CTSB: variants seen among roughly 807,000 people sequenced by gnomAD.
CTSB encodes APP secretase.
CTSB carries 57 observed loss-of-function variants against 44.3 expected under a neutral mutation model. The observed-to-expected ratio is 1.29, with a 90% confidence interval of 1.04 to 1.60. The LOEUF (loss-of-function observed/expected upper bound fraction) is 1.60. Among genes scored for constraint, CTSB ranks in the 40% most tolerant of loss-of-function variants. The pLI is 0.00. For synonymous variants in CTSB, 320 were observed against 168.0 expected (o/e 1.91, Z -7.00); for missense variants, 768 against 443.0 (o/e 1.73, Z -6.59).
chr8:11,849,298 G>T (rs1814091406), intron 4 of CTSB, 134 bp from the exon 5 acceptor site: 1 of 598,292 alleles, frequency 1.7e-6, no homozygotes, highest in Non-Finnish European at 3.0e-6. Flanking sequence ...GACGCTCCTG[G>T]GGCTCAAACT....
intron 5 of CTSB, 116 bp downstream of exon 5, chr8:11,848,930 C>G (rs375334854): frequency 1.4e-6 from 1 of 721,988 alleles, no homozygotes; most frequent in Non-Finnish European, 2.3e-6. Context: ...GGAGTCTCCC[C>G]GAAACACTTC....
rs78107889 is a variant in CTSB, at chr8:11,855,654, C to T, written c.-25-2175G>A. ...TCACATATACTTTAGGCTTCGTTTCCACAAAAGGCTCTTCAAAGTCAGAAA... is the reference window on the plus strand; with the variant it reads ...TCACATATACTTTAGGCTTCGTTTCTACAAAAGGCTCTTCAAAGTCAGAAA... On this transcript the variant is annotated intron_variant, in intron 1 of 9. Transcript: ENST00000353047. Among the ~76,000 whole-genome samples the T allele has an allele frequency of 4.9e-3, 739 of 152,192 alleles. 3 individuals carry two copies. Among genetic ancestry groups the T allele is most frequent in the South Asian group, 0.019 (93 of 4,824 alleles).
chr8:11,853,257 C>T (rs1409538082), intron 2 of CTSB, 72 bp downstream of exon 2: 3 of 1,576,186 alleles, frequency 1.9e-6, no homozygotes, highest in Non-Finnish European at 2.6e-6. Context: ...GGGCTGGCTT[C>T]CCATTCCTGG....
rs139113501 is a variant in CTSB at position 11,863,320 on chromosome 8, G to A, written c.-26+4681C>T. Among the ~76,000 whole-genome samples, 903 of 152,084 alleles carry A rather than the reference G, an allele frequency of 5.9e-3. 4 individuals are homozygous for A. Among genetic ancestry groups the A allele is most frequent in the African/African-American group, 0.018 (754 of 41,492 alleles). ...CTAAAAATACAAAAATTAGCTGGGC[G>A]TGGTGGCACACGCCTGTAATCCCAG... is the stretch of plus-strand genomic sequence containing the variant. On this transcript the variant is annotated intron_variant, in intron 1 of 9. Coordinates refer to ENST00000353047, the MANE Select transcript of CTSB (RefSeq NM_001908.5).
At chr8:11,862,186 G>C (rs1472824622) in intron 1 of CTSB, among the ~76,000 whole-genome samples, 1 of 144,190 alleles carries the variant, frequency 6.9e-6, no homozygotes, top group Admixed American at 7.2e-5. Context: ...CAGCCTGGGC[G>C]ACAGAGTCAG....
rs762672116 is a variant in CTSB, at chr8:11,845,692, G to A, written c.891C>T (p.Ala297=). The change falls in exon 9 of 10, where the codon GCC becomes GCT. Residue 297 remains alanine (A), a synonymous_variant. Coordinates refer to ENST00000353047, the MANE Select transcript of CTSB (RefSeq NM_001908.5). ...VENGTPYWLV[A]NSWNTDWGDN... is the part of the protein sequence containing the mutation. The stretch of plus-strand genomic sequence containing the variant: ...CACCCCAGTCAGTGTTCCAGGAGTT[G>A]GCAACCAGCCAGTAGGGTGTGCCAT... The A allele has an allele frequency of 7.4e-6, 12 of 1,614,002 alleles. No individual in the cohort carries two copies. The highest frequency in any genetic ancestry group is 1.0e-5 in the Non-Finnish European group (12 of 1,179,886).
At position 11,853,473 on chromosome 8, in the gene CTSB, G is replaced by C. The variant is rs183866612; in HGVS notation, c.-19C>G. 2.1e-5 allele frequency: 33 copies of C among 1,609,672 alleles called. No individual in the cohort carries two copies. In the African/African-American group the frequency reaches 3.5e-4, roughly 17 times the overall value. Reference sequence around the variant, plus strand: ...GCCACATGTTGGAAGCCGGATCCTAGATCCACCTGGAGAGGACAGAGGGCA... The same window carrying C: ...GCCACATGTTGGAAGCCGGATCCTACATCCACCTGGAGAGGACAGAGGGCA... On this transcript the variant is annotated 5_prime_UTR_variant, in exon 2 of 10. The change creates a new upstream start codon in the 5' untranslated region. Coordinates refer to ENST00000353047, the MANE Select transcript of CTSB (RefSeq NM_001908.5).
intron 1 of CTSB, among the ~76,000 whole-genome samples, chr8:11,854,308 T>G (rs1815139811): frequency 2.0e-5 from 3 of 152,110 alleles, no homozygotes; most frequent in Admixed American, 2.0e-4. Context: ...GGGTGAGGTG[T>G]TCTACCTCCC....
At chr8:11,848,290 AC>A in intron 5 of CTSB, 138 bp from the exon 6 acceptor site, 1 of 747,586 alleles carries the variant, frequency 1.3e-6, no homozygotes, top group South Asian at 1.5e-5. Context: ...GACCTCCCAG[AC>A]CCCAAACCCT....
chr8:11,849,067 C>A lies in CTSB; in HGVS notation c.425G>T (p.Cys142Phe). ...EVSAEDLLTC[C>F]GSMCGDGCNG... ...TCACCCGTCCCCACACATGCTGCCA[C>A]AGCATGTGAGCAGGTCCTCCGCCGA... The change falls in exon 5 of 10, where the codon TGT (cysteine) becomes TTT (phenylalanine). Residue 142 changes from cysteine (C) to phenylalanine (F), a missense_variant. Transcript: ENST00000353047. 1 of 1,613,284 alleles carries A rather than the reference C, an allele frequency of 6.2e-7. No individual in the cohort carries two copies. The highest frequency in any genetic ancestry group is 2.2e-5 in the East Asian group (1 of 44,882).
intron 8 of CTSB, among the ~76,000 whole-genome samples, 191 bp from the exon 9 acceptor site, chr8:11,845,980 C>G (rs1211998319): frequency 6.6e-6 from 1 of 152,198 alleles, no homozygotes; most frequent in Non-Finnish European, 1.5e-5. Flanking sequence ...AGGCCCAACA[C>G]ACTCAAAGTT....
intron 1 of CTSB, among the ~76,000 whole-genome samples, chr8:11,860,905 C>T (rs1816312824): frequency 6.6e-6 from 1 of 152,206 alleles, no homozygotes; most frequent in Admixed American, 6.5e-5. Flanking sequence ...CGGCGAGTTT[C>T]ATCTTCCCCT....
At position 11,845,804 on chromosome 8, in the gene CTSB, A is replaced by G; in HGVS notation, c.794-15T>C. Reference sequence around the variant, plus strand: ...TTGGTACACTCCTGAAAAGGGAAGAACTGGCTGAGACCGAGACCGGGCCAC... The same window carrying G: ...TTGGTACACTCCTGAAAAGGGAAGAGCTGGCTGAGACCGAGACCGGGCCAC... On this transcript the variant is annotated splice_polypyrimidine_tract_variant and intron_variant, in intron 8 of 9. Coordinates refer to ENST00000353047, the MANE Select transcript of CTSB (RefSeq NM_001908.5). 1 of 1,603,660 alleles carries G rather than the reference A, an allele frequency of 6.2e-7. No individual in the cohort carries two copies. The highest frequency in any genetic ancestry group is 8.5e-7 in the Non-Finnish European group (1 of 1,172,574).
intron 2 of CTSB, 70 bp from the exon 3 acceptor site, chr8:11,852,765 C>T (rs1485286762): frequency 1.5e-5 from 22 of 1,430,126 alleles, no homozygotes; most frequent in East Asian, 2.3e-5. Flanking sequence ...TGCCCACACA[C>T]GAAGCCCAAC....
At position 11,848,026 on chromosome 8, in the gene CTSB, C is replaced by T. The variant is rs142574064; in HGVS notation, c.532+41G>A. 2.8e-3 allele frequency: 4,280 copies of T among 1,512,438 alleles called. 26 individuals carry two copies. Among genetic ancestry groups the T allele is most frequent in the East Asian group, 0.023 (1,000 of 44,292 alleles). 93.7% of individuals were successfully genotyped at this position (1,512,438 alleles called of 1,614,324 possible). ...AAGCCATGATGGTTAATTGCTCAAA[C>T]AATCCATCTGGCCAGAAAGTGGCCA... On this transcript the variant is annotated intron_variant, in intron 6 of 9. Transcript: ENST00000353047.
In CTSB at chr8:11,847,696, T is replaced by A. The variant is rs1390544860; in HGVS notation, c.659A>T (p.Lys220Ile). 14 of 1,574,628 alleles carry A rather than the reference T, an allele frequency of 8.9e-6. No homozygotes were observed. The highest frequency in any genetic ancestry group is 1.1e-5 in the Non-Finnish European group (13 of 1,163,166). The change falls in exon 7 of 10, where the codon AAA becomes ATA. Residue 220 changes from lysine to isoleucine, a missense_variant. Transcript: ENST00000353047. ...ICEPGYSPTY[K>I]QDKHYGYNSY... Reference sequence around the variant, plus strand: ...CCCCTTACCGTAGTGCTTGTCCTGTTTGTAGGTCGGGCTGTAGCCAGGCTC... The same window carrying A: ...CCCCTTACCGTAGTGCTTGTCCTGTATGTAGGTCGGGCTGTAGCCAGGCTC...
chr8:11,847,222 C>G (rs1813565350), intron 7 of CTSB, 54 bp from the exon 8 acceptor site: 2 of 1,112,874 alleles, frequency 1.8e-6, no homozygotes, highest in Non-Finnish European at 2.7e-6. Flanking sequence ...TGCCTCGTGG[C>G]ACGCCACGGT....
At chr8:11,862,017 A>G (rs560977900) in intron 1 of CTSB, among the ~76,000 whole-genome samples, 1 of 151,318 alleles carries the variant, frequency 6.6e-6, no homozygotes, top group Admixed American at 6.6e-5. Flanking sequence ...ACCATCCTGG[A>G]TAACACGGTG....
intron 1 of CTSB, among the ~76,000 whole-genome samples, chr8:11,857,501 T>C (rs555251633): frequency 6.6e-6 from 1 of 152,246 alleles, no homozygotes; most frequent in South Asian, 2.1e-4. Flanking sequence ...TTATTTTAAA[T>C]AATAAGCCAA....
Sources: allele counts gnomAD v4.1 joint callset (sites outside exome capture counted in the v4.1 genomes callset), GRCh38; gene constraint gnomAD v4.1.1; transcripts MANE v1.5; gene names NCBI Gene and HGNC (gene_info 2026-07-23, HGNC 2026-07-21).